Variants in CCSER1 observed in about 807,000 individuals in gnomAD.
The protein encoded by CCSER1 is coiled-coil serine rich protein 1.
A neutral mutation model predicts 82.0 loss-of-function variants in CCSER1; 41 were observed. That is an observed-to-expected ratio of 0.50 (90% CI 0.39 to 0.65). CCSER1 has a LOEUF of 0.65. Among genes scored for constraint, CCSER1 ranks in the 30% least tolerant of loss-of-function variants. The pLI is 0.00. For synonymous variants in CCSER1, 414 were observed against 383.9 expected (o/e 1.08, Z -0.92); for missense variants, 1,119 against 1,064.2 (o/e 1.05, Z -0.72).
rs555746483 is a variant in CCSER1, at chr4:90,892,795, A to G, written c.2095-30575A>G. On this transcript the variant is annotated intron_variant, in intron 8 of 10. Transcript: ENST00000509176. ...TTCCATAATATGAAAGGAACACATT[A>G]GTATACCACATTTATTTCGCCTTGT... is the stretch of plus-strand genomic sequence containing the variant. Among the ~76,000 whole-genome samples, 3 of 152,218 alleles carry G rather than the reference A, an allele frequency of 2.0e-5. 1 individual carries two copies. In the South Asian group the frequency reaches 6.2e-4, roughly 32 times the overall value.
intron 9 of CCSER1, among the ~76,000 whole-genome samples, chr4:91,069,986 ATTT>A (rs70965471): frequency 6.8e-6 from 1 of 146,616 alleles, no homozygotes; most frequent in Non-Finnish European, 1.5e-5. Flanking sequence ...ACCTTTTTTA[ATTT>A]TTTTTTTTTT....
At chr4:91,119,422 T>C (rs1726900884) in intron 10 of CCSER1, among the ~76,000 whole-genome samples, 1 of 152,044 alleles carries the variant, frequency 6.6e-6, no homozygotes, top group African/African-American at 2.4e-5. Context: ...CCTGAGAACA[T>C]TTCTAGACCA....
intron 6 of CCSER1, among the ~76,000 whole-genome samples, chr4:90,715,834 A>G (rs1741537112): frequency 6.6e-6 from 1 of 152,068 alleles, no homozygotes. Context: ...CTTTCAGCCC[A>G]GTAATTTCAC....
At chr4:90,347,966 G>T (rs577097046) in intron 3 of CCSER1, among the ~76,000 whole-genome samples, 1 of 152,146 alleles carries the variant, frequency 6.6e-6, no homozygotes, top group African/African-American at 2.4e-5. Context: ...TTCTTTGCAG[G>T]GACATAGATG....
At chr4:90,372,123 G>A (rs995498195) in intron 3 of CCSER1, among the ~76,000 whole-genome samples, 1 of 152,040 alleles carries the variant, frequency 6.6e-6, no homozygotes, top group Non-Finnish European at 1.5e-5. Context: ...GAGTACAAAA[G>A]ACTGGGGGAC....
intron 6 of CCSER1, chr4:90,683,127 C>A (rs925663969): frequency 6.6e-6 from 1 of 151,946 alleles, no homozygotes; most frequent in Non-Finnish European, 1.5e-5. Flanking sequence ...AAGCAGAGTA[C>A]GAAGATGAAA....
At chr4:90,567,359 C>T (rs1408384960) in intron 5 of CCSER1, among the ~76,000 whole-genome samples, 2 of 149,486 alleles carry the variant, frequency 1.3e-5, no homozygotes, top group Non-Finnish European at 3.0e-5. Flanking sequence ...GGCGCCATCT[C>T]GGCTCACTGC....
intron 1 of CCSER1, among the ~76,000 whole-genome samples, chr4:90,286,313 C>T (rs1729876188): frequency 1.3e-5 from 2 of 151,828 alleles, no homozygotes; most frequent in African/African-American, 4.8e-5. Flanking sequence ...TCTTTCACTA[C>T]CTGTTATTGT....
intron 8 of CCSER1, among the ~76,000 whole-genome samples, chr4:90,883,200 G>C (rs1721602242): frequency 6.6e-6 from 1 of 151,944 alleles, no homozygotes; most frequent in Non-Finnish European, 1.5e-5. Context: ...GAATAAACCT[G>C]TCACTATAAT....
At chr4:91,498,852 T>C (rs1486585732) in intron 10 of CCSER1, among the ~76,000 whole-genome samples, 1 of 152,008 alleles carries the variant, frequency 6.6e-6, no homozygotes, top group Non-Finnish European at 1.5e-5. Flanking sequence ...AAGTTCTGAA[T>C]GCTTAATTTA....
intron 8 of CCSER1, among the ~76,000 whole-genome samples, chr4:90,873,394 G>T (rs1347173565): frequency 5.3e-5 from 8 of 152,008 alleles, no homozygotes; most frequent in Non-Finnish European, 1.2e-4. Context: ...TGTGTCAGTT[G>T]CACTTCTTAG....
At chr4:90,149,763 G>C (rs1299386015) in intron 1 of CCSER1, among the ~76,000 whole-genome samples, 1 of 151,982 alleles carries the variant, frequency 6.6e-6, no homozygotes, top group Non-Finnish European at 1.5e-5. Context: ...TAGTGCTCTT[G>C]AACTTTGCTT....
At chr4:91,397,364 A>G (rs1291859252) in intron 10 of CCSER1, among the ~76,000 whole-genome samples, 1 of 152,038 alleles carries the variant, frequency 6.6e-6, no homozygotes, top group Non-Finnish European at 1.5e-5. Context: ...AAGAAGATGT[A>G]CCTAACATAG....
intron 8 of CCSER1, among the ~76,000 whole-genome samples, chr4:90,862,027 G>C (rs995709215): frequency 6.6e-6 from 1 of 150,392 alleles, no homozygotes; most frequent in African/African-American, 2.4e-5. Context: ...ACAATGTTTT[G>C]ATAAAGAAAT....
chr4:91,485,426 G>T, intron 10 of CCSER1, among the ~76,000 whole-genome samples: 1 of 152,066 alleles, frequency 6.6e-6, no homozygotes, highest in East Asian at 1.9e-4. Context: ...AGAATTATAA[G>T]AGAGAAACTT....
At chr4:90,522,158 T>C (rs139227699) in intron 5 of CCSER1, among the ~76,000 whole-genome samples, 39 of 152,302 alleles carry the variant, frequency 2.6e-4, no homozygotes, top group Middle Eastern at 3.4e-3. Context: ...AAACTGATTT[T>C]AGACTCAATT....
chr4:91,348,961 T>C (rs1018734275), intron 10 of CCSER1, among the ~76,000 whole-genome samples: 17 of 152,252 alleles, frequency 1.1e-4, no homozygotes, highest in Admixed American at 1.1e-3. Flanking sequence ...CAGGCTGGAG[T>C]GCAGTGGTGA....
At chr4:90,181,734 T>C (rs568283623) in intron 1 of CCSER1, among the ~76,000 whole-genome samples, 1 of 152,288 alleles carries the variant, frequency 6.6e-6, no homozygotes, top group East Asian at 1.9e-4. Flanking sequence ...AAGATGTGAA[T>C]TGGCAGACCC....
chr4:90,270,342 A>G (rs1385270468), intron 1 of CCSER1, among the ~76,000 whole-genome samples: 1 of 152,172 alleles, frequency 6.6e-6, no homozygotes. Flanking sequence ...TATTCCAGGG[A>G]TGCAAGGATG....
Sources: gnomAD v4.1 joint callset for allele counts (sites outside exome capture counted in the v4.1 genomes callset) on GRCh38, gnomAD v4.1.1 for gene constraint, MANE v1.5 for transcripts, NCBI Gene and HGNC (gene_info 2026-07-23, HGNC 2026-07-21) for gene names.